EPB41L3: variants seen among roughly 807,000 people sequenced by gnomAD.
The protein encoded by EPB41L3 is band 4.1-like protein 3.
A neutral mutation model predicts 127.1 loss-of-function variants in EPB41L3; 57 were observed. The observed-to-expected ratio is 0.45, with a 90% CI of 0.36 to 0.56. The LOEUF (loss-of-function observed/expected upper bound fraction) is 0.56, where lower values mean the gene tolerates loss of function less well. Ranked by LOEUF, EPB41L3 falls within the 20% of genes least tolerant of loss-of-function variation. The probability of loss-of-function intolerance (pLI) is 0.00; values close to 1 mark genes in which losing one functional copy is unlikely to be tolerated. For missense variants in EPB41L3, 1,273 were observed against 1,372.2 expected (o/e 0.93, Z 1.14); for synonymous variants, 572 against 549.5 (o/e 1.04, Z -0.57).
intron 3 of EPB41L3, chr18:5,610,100 A>C: frequency 1.0e-6 from 1 of 985,340 alleles, no homozygotes; most frequent in Non-Finnish European, 1.2e-6. Flanking sequence ...TTCTTCCCCA[A>C]ACAAAGAGAA....
At chr18:5,519,715 A>G (rs986881209) in intron 1 of EPB41L3, among the ~76,000 whole-genome samples, 2 of 152,184 alleles carry the variant, frequency 1.3e-5, no homozygotes, top group African/African-American at 2.4e-5. Flanking sequence ...CAACCGCTAC[A>G]TAATCACTGA....
intron 1 of EPB41L3, among the ~76,000 whole-genome samples, chr18:5,496,600 G>C (rs2091201853): frequency 6.6e-6 from 1 of 152,212 alleles, no homozygotes; most frequent in Admixed American, 6.5e-5. Flanking sequence ...CAAAAGCAAG[G>C]AAGTTCCCAG....
intron 3 of EPB41L3, among the ~76,000 whole-genome samples, chr18:5,611,460 T>C (rs2094724296): frequency 6.6e-6 from 1 of 152,168 alleles, no homozygotes; most frequent in Admixed American, 6.5e-5. Flanking sequence ...TGCCAGAGGC[T>C]GTGGGAAAGG....
intron 1 of EPB41L3, among the ~76,000 whole-genome samples, chr18:5,618,607 A>G (rs897077415): frequency 1.1e-4 from 17 of 152,256 alleles, no homozygotes; most frequent in African/African-American, 4.1e-4. Context: ...TTCTCATATC[A>G]TGTGCAAACT....
At chr18:5,544,012 A>T (rs1273122251), upstream of EPB41L3, 1 of 985,422 alleles carries the variant, frequency 1.0e-6, no homozygotes. Context: ...GTGGGGAGGA[A>T]GCCGCAGCCC....
chr18:5,436,562 C>T (rs993427978), intron 6 of EPB41L3, among the ~76,000 whole-genome samples: 7 of 151,918 alleles, frequency 4.6e-5, no homozygotes, highest in East Asian at 1.9e-4. Flanking sequence ...GCGCCCGCCA[C>T]GATGCCCGGC....
chr18:5,568,024 T>A (rs1052502210), intron 3 of EPB41L3, among the ~76,000 whole-genome samples: 2 of 152,082 alleles, frequency 1.3e-5, no homozygotes, highest in African/African-American at 4.8e-5. Context: ...AGGGTAATAT[T>A]TTGAGGAGGA....
chr18:5,499,698 C>G, intron 1 of EPB41L3, among the ~76,000 whole-genome samples: 1 of 151,758 alleles, frequency 6.6e-6, no homozygotes, highest in Non-Finnish European at 1.5e-5. Flanking sequence ...ACCTGGGAGG[C>G]GGAGCTTGCA....
chr18:5,559,232 C>T (rs1466136687), intron 3 of EPB41L3, among the ~76,000 whole-genome samples: 2 of 152,144 alleles, frequency 1.3e-5, no homozygotes, highest in Non-Finnish European at 2.9e-5. Flanking sequence ...ATGAAATGTT[C>T]TTATATCATT....
chr18:5,458,479 TTA>T (rs1318250354), intron 3 of EPB41L3, among the ~76,000 whole-genome samples: 5 of 152,208 alleles, frequency 3.3e-5, no homozygotes, highest in Admixed American at 6.5e-5. Flanking sequence ...AATCGCCCAG[TTA>T]TCAACACACC....
rs184986196 is a variant in EPB41L3, at chr18:5,423,326, A to G, written c.1339+52T>C. 2.0e-6 allele frequency: 3 copies of G among 1,478,162 alleles called. No individual in the cohort carries two copies. In the African/African-American group the frequency reaches 4.2e-5, roughly 21 times the overall value. The allele number at this position is 1,478,162 out of a possible 1,614,324, so 91.6% of individuals were successfully genotyped here. On this transcript the variant is annotated intron_variant, in intron 11 of 22. Coordinates refer to ENST00000341928, the MANE Select transcript of EPB41L3 (RefSeq NM_012307.5). ...TACTGAAAGCTCATGACAGTTTCAC[A>G]TTCTTTTTGGGGTAGGTACTAGGTT...
chr18:5,559,489 A>T (rs1343782245), intron 3 of EPB41L3, among the ~76,000 whole-genome samples: 1 of 152,306 alleles, frequency 6.6e-6, no homozygotes, highest in Non-Finnish European at 1.5e-5. Context: ...AAAAATGGCA[A>T]TTTTTTGTAA....
intron 1 of EPB41L3, among the ~76,000 whole-genome samples, chr18:5,500,091 C>G (rs773128368): frequency 3.3e-5 from 5 of 151,998 alleles, no homozygotes; most frequent in Non-Finnish European, 5.9e-5. Flanking sequence ...TAATCAGTTA[C>G]GATTTTGAAG....
intron 1 of EPB41L3, among the ~76,000 whole-genome samples, chr18:5,500,077 A>AT (rs1255018505): frequency 6.6e-6 from 1 of 152,132 alleles, no homozygotes; most frequent in Admixed American, 6.5e-5. Flanking sequence ...CTGAGCCTAC[A>AT]TTTTAATCAG....
At chr18:5,403,116 T>G (rs1011729462) in intron 16 of EPB41L3, among the ~76,000 whole-genome samples, 11 of 152,200 alleles carry the variant, frequency 7.2e-5, no homozygotes, top group Non-Finnish European at 1.2e-4. Flanking sequence ...AAGGCTTAGA[T>G]GCATCATGAA....
intron 1 of EPB41L3, among the ~76,000 whole-genome samples, chr18:5,620,835 T>C (rs2094852394): frequency 6.6e-6 from 1 of 152,164 alleles, no homozygotes; most frequent in Admixed American, 6.5e-5. Context: ...CAAGGTTTTC[T>C]GTACTCTTAG....
intron 3 of EPB41L3, among the ~76,000 whole-genome samples, chr18:5,450,473 G>T (rs986446233): frequency 3.4e-5 from 5 of 145,186 alleles, no homozygotes; most frequent in African/African-American, 1.0e-4. Flanking sequence ...ACTGGGGGGG[G>T]TGAGGGGAAG....
Position 5,397,303 on chromosome 18 carries a change from C to T in EPB41L3, c.2596G>A (p.Ala866Thr), listed in dbSNP as rs375861416. 12 of 1,613,980 alleles carry T rather than the reference C, an allele frequency of 7.4e-6. No homozygotes were observed. The highest frequency in any genetic ancestry group is 1.6e-4 in the Middle Eastern group (1 of 6,084). ...VLVEERRVVHASGDASYSAGD... is the reference protein window; with the variant it reads ...VLVEERRVVHTSGDASYSAGD... ...GCCGAGTAAGAAGCATCCCCACTCG[C>T]GTGCACCACACGCCGCTCCTCCACC... Residue 866 changes from alanine (A) to threonine (T), a missense_variant, in exon 18 of 23, where the codon GCG becomes ACG. Physicochemically the swap from Ala to Thr is moderately conservative, Grantham distance 58. Coordinates refer to ENST00000341928, the MANE Select transcript of EPB41L3 (RefSeq NM_012307.5). This position sits in a 1 kb window ranked among gnomAD's most constrained non-coding sequence, Gnocchi z 4.1.
chr18:5,394,862 T>A, intron 21 of EPB41L3, 69 bp from the exon 22 acceptor site: 1 of 1,420,224 alleles, frequency 7.0e-7, no homozygotes. Context: ...AGTGGTGAGG[T>A]GGAGACTTAT....
Sources: gnomAD v4.1 joint callset for allele counts (sites outside exome capture counted in the v4.1 genomes callset) on GRCh38, gnomAD v4.1.1 for gene constraint, Gnocchi (gnomAD v3.1) non-coding constraint, MANE v1.5 for transcripts, NCBI Gene and HGNC (gene_info 2026-07-23, HGNC 2026-07-21) for gene names.